Variants in NAV3 observed in about 807,000 individuals in gnomAD.
NAV3 encodes neuron navigator 3.
Under a neutral mutation model 244.7 loss-of-function variants are expected in NAV3, and 87 were observed. That is an observed-to-expected ratio of 0.36 (90% CI 0.30 to 0.42). The LOEUF (loss-of-function observed/expected upper bound fraction) is 0.42, where lower values mean the gene tolerates loss of function less well. Among genes scored for constraint, NAV3 ranks in the 20% least tolerant of loss-of-function variants. The pLI is 1.00. For missense variants in NAV3, 2,663 were observed against 2,893.3 expected (o/e 0.92, Z 1.83); for synonymous variants, 1,126 against 1,042.2 (o/e 1.08, Z -1.55).
At chr12:78,029,115 T>G (rs1029884197) in intron 9 of NAV3, among the ~76,000 whole-genome samples, 2 of 149,942 alleles carry the variant, frequency 1.3e-5, no homozygotes, top group Non-Finnish European at 3.0e-5. Flanking sequence ...ATGAACCAGG[T>G]GGTGACTTTG....
intron 2 of NAV3, among the ~76,000 whole-genome samples, chr12:77,707,704 C>CA (rs781420811): frequency 1.8e-4 from 27 of 152,278 alleles, no homozygotes; most frequent in Admixed American, 4.6e-4. Context: ...CCTAATTCTC[C>CA]ACATCCTCTC....
At chr12:77,766,628 C>G (rs12315932) in intron 2 of NAV3, among the ~76,000 whole-genome samples, 1 of 150,940 alleles carries the variant, frequency 6.6e-6, no homozygotes, top group Non-Finnish European at 1.5e-5. Context: ...CACTTAAATT[C>G]TCAACTTCAG....
intron 11 of NAV3, among the ~76,000 whole-genome samples, chr12:78,056,922 A>G (rs1883597325): frequency 6.6e-6 from 1 of 152,234 alleles, no homozygotes; most frequent in African/African-American, 2.4e-5. Context: ...TTAAATGGGA[A>G]TAAAGTTTCA....
intron 1 of NAV3, among the ~76,000 whole-genome samples, chr12:77,842,486 C>T (rs189270559): frequency 1.1e-3 from 169 of 151,526 alleles, no homozygotes; most frequent in African/African-American, 3.7e-3. Flanking sequence ...AGACTGTGTA[C>T]GATCTGAATT....
chr12:77,811,346 G>T (rs1055850579), intron 2 of NAV3, among the ~76,000 whole-genome samples: 4 of 152,160 alleles, frequency 2.6e-5, no homozygotes, highest in African/African-American at 4.8e-5. Flanking sequence ...TAGTTGGAAT[G>T]ACTAATTATA....
Position 77,741,148 on chromosome 12 carries a change from C to CAAAAAAAAAAAAAAAAAAAAAAA in NAV3, c.72+168900_72+168901insAAAAAAAAAAAAAAAAAAAAAAA. Among the ~76,000 whole-genome samples, 629 of 68,564 alleles carry CAAAAAAAAAAAAAAAAAAAAAAA rather than the reference C, an allele frequency of 9.2e-3. 3 individuals are homozygous for CAAAAAAAAAAAAAAAAAAAAAAA. Among genetic ancestry groups the CAAAAAAAAAAAAAAAAAAAAAAA allele is most frequent in the Middle Eastern group, 0.029 (2 of 70 alleles). The allele number at this position is 68,564 out of a possible 152,430, so 45.0% of individuals were successfully genotyped here. ...GAAATAGTCAAAGAAAAAAAAAAGA[C>CAAAAAAAAAAAAAAAAAAAAAAA]AAAAAAAAAAAAAAAAAAGAAAAGA... On this transcript the variant is annotated intron_variant, in intron 2 of 8. Transcript: ENST00000550042.
intron 34 of NAV3, among the ~76,000 whole-genome samples, chr12:78,193,415 T>G (rs931227074): frequency 1.3e-5 from 2 of 152,182 alleles, no homozygotes; most frequent in Non-Finnish European, 2.9e-5. Flanking sequence ...ATCAGAAAAC[T>G]GTACCTGATA....
At chr12:77,792,526 A>G (rs11106706) in intron 2 of NAV3, among the ~76,000 whole-genome samples, 1 of 152,008 alleles carries the variant, frequency 6.6e-6, no homozygotes, top group Admixed American at 6.6e-5. Context: ...ACATTTACAC[A>G]TGCTTTCCAG....
rs762337961 is a variant in NAV3 at position 78,137,163 on chromosome 12, G to GT, written c.4442-10dup. ...AGCTTAAGAGTAATAGGCTCTGTGT[G>GT]TTTTGTTTTTCAGTGAGCCCAACAA... On this transcript the variant is annotated splice_polypyrimidine_tract_variant and intron_variant, in intron 18 of 39. Coordinates refer to ENST00000397909, the MANE Select transcript of NAV3 (RefSeq NM_001024383.2). 2 of 1,605,790 alleles carry GT rather than the reference G, an allele frequency of 1.2e-6. No individual in the cohort carries two copies. The highest frequency in any genetic ancestry group is 8.5e-7 in the Non-Finnish European group (1 of 1,175,944).
exon 2 of NAV3, chr12:77,572,176 A>C (rs1868858922): frequency 6.5e-6 from 1 of 154,254 alleles, no homozygotes; most frequent in Non-Finnish European, 1.5e-5. Context: ...TCCATTTTGA[A>C]GGGCAAGAAC....
intron 2 of NAV3, among the ~76,000 whole-genome samples, chr12:77,740,416 T>C (rs968758702): frequency 6.6e-6 from 1 of 152,110 alleles, no homozygotes; most frequent in Non-Finnish European, 1.5e-5. Flanking sequence ...TCTTGGCTAT[T>C]GATTGAAGGA....
chr12:78,119,521 G>C lies in NAV3; in HGVS notation c.3325G>C (p.Gly1109Arg), dbSNP rs1200320188. ...TGCCATTGGCGGGAAGTCAAATGCA[G>C]GGAGAAAAACCAGTTTGGACGGTTC... ...SAAIGGKSNA[G>R]RKTSLDGSQN... The change falls in exon 15 of 40, where the codon GGG (glycine) becomes CGG (arginine). Residue 1109 changes from glycine to arginine, a missense_variant. This residue lies in a region of NAV3 where 1,521 missense variants were observed against 1,497.0 expected (regional missense o/e 1.02). Transcript: ENST00000397909. 1 of 1,614,204 alleles carries C rather than the reference G, an allele frequency of 6.2e-7. No individual in the cohort carries two copies. Among genetic ancestry groups the C allele is most frequent in the Non-Finnish European group, 8.5e-7 (1 of 1,180,036 alleles).
intron 1 of NAV3, among the ~76,000 whole-genome samples, chr12:77,860,543 T>G (rs926205593): frequency 2.0e-5 from 3 of 151,852 alleles, no homozygotes; most frequent in African/African-American, 7.2e-5. Context: ...TCATATTTGA[T>G]TTAGAAATAG....
chr12:78,127,117 T>C (rs766516747), intron 16 of NAV3, 50 bp from the exon 17 acceptor site: 49 of 1,584,804 alleles, frequency 3.1e-5, no homozygotes. Flanking sequence ...ATGTGTAATT[T>C]GGAAGTTTTG....
intron 2 of NAV3, among the ~76,000 whole-genome samples, chr12:77,766,734 A>ATTTTTTTTTTTTTTTTTTTTTTTTTTTTT (rs1565805085): frequency 1.9e-5 from 1 of 53,344 alleles, no homozygotes; most frequent in African/African-American, 5.2e-5. Context: ...CAGGCAATTA[A>ATTTTTTTTTTTTTTTTTTTTTTTTTTTTT]GTTTTTTTTT....
chr12:78,193,832 G>T (rs1959086079), intron 34 of NAV3, among the ~76,000 whole-genome samples: 1 of 152,020 alleles, frequency 6.6e-6, no homozygotes, highest in Non-Finnish European at 1.5e-5. Flanking sequence ...AGAACCTAAA[G>T]GCTCTGATTG....
intron 9 of NAV3, among the ~76,000 whole-genome samples, chr12:78,029,853 A>G (rs1278520038): frequency 6.6e-6 from 1 of 152,210 alleles, no homozygotes; most frequent in Non-Finnish European, 1.5e-5. Context: ...TTGCAATAAA[A>G]TAATTGCCTA....
At chr12:77,869,917 A>G (rs1184172053) in intron 1 of NAV3, among the ~76,000 whole-genome samples, 1 of 152,180 alleles carries the variant, frequency 6.6e-6, no homozygotes, top group Non-Finnish European at 1.5e-5. Context: ...CATGACGCAT[A>G]TGTTCAATTC....
rs973006746 is a variant in NAV3 at position 78,180,905 on chromosome 12, G to A, written c.5552G>A (p.Arg1851Gln). The change falls in exon 30 of 40, where the codon CGG (arginine) becomes CAG (glutamine). Residue 1851 changes from arginine to glutamine, a missense_variant. Arg to Gln is a conservative substitution (Grantham distance 43, BLOSUM62 1). Around this residue, in one of 6 missense-constraint regions of NAV3, gnomAD observed 543 missense variants for 672.4 expected, o/e 0.81. Transcript: ENST00000397909. ...GAAATACTGAAAGCTGAAAATGACC[G>A]GTTGAAGGCAGAAACTGGTAACACA... ...EIEILKAENDRLKAETGNTAK... is the reference protein window; with the variant it reads ...EIEILKAENDQLKAETGNTAK... 9 of 1,612,152 alleles carry A rather than the reference G, an allele frequency of 5.6e-6. No homozygotes were observed. The highest frequency in any genetic ancestry group is 1.3e-5 in the African/African-American group (1 of 74,736).
Sources: allele counts gnomAD v4.1 joint callset (sites outside exome capture counted in the v4.1 genomes callset), GRCh38; gene constraint gnomAD v4.1.1; regional missense constraint gnomAD v4.1.1; transcripts MANE v1.5; gene names NCBI Gene and HGNC (gene_info 2026-07-23, HGNC 2026-07-21).